The following MAP4 variants were observed in gnomAD, a reference collection of about 807,000 sequenced individuals.
MAP4 encodes microtubule-associated protein 4.
A neutral mutation model predicts 170.2 loss-of-function variants in MAP4; 76 were observed. The ratio of observed to expected loss-of-function variants is 0.45; its 90% CI spans 0.37 to 0.54. The LOEUF (loss-of-function observed/expected upper bound fraction) is 0.54. Ranked by LOEUF, MAP4 falls within the 20% of genes least tolerant of loss-of-function variation. MAP4 has a pLI of 0.00. For missense variants in MAP4, 2,506 were observed against 2,748.0 expected, an observed-to-expected ratio of 0.91 and a Z score of 1.97; for synonymous variants, 909 against 994.5, an observed-to-expected ratio of 0.91 and a Z score of 1.62.
intron 1 of MAP4, among the ~76,000 whole-genome samples, chr3:48,043,853 T>A (rs1259322676): frequency 1.3e-5 from 2 of 152,190 alleles, no homozygotes; most frequent in African/African-American, 2.4e-5. Flanking sequence ...TAATCTTTTT[T>A]TTTTTAAAAT....
intron 1 of MAP4, among the ~76,000 whole-genome samples, chr3:48,001,509 C>T (rs1289505060): frequency 1.3e-5 from 2 of 152,092 alleles, no homozygotes; most frequent in South Asian, 2.1e-4. Context: ...TACCATTATA[C>T]AAAAATGTAG....
At chr3:47,862,466 A>G (rs1376814446) in intron 17 of MAP4, among the ~76,000 whole-genome samples, 1 of 148,700 alleles carries the variant, frequency 6.7e-6, no homozygotes, top group African/African-American at 2.5e-5. Context: ...TTTTAAATAT[A>G]TGGATCAATT....
At position 47,955,433 on chromosome 3, in the gene MAP4, C is replaced by CGT. The variant is rs1559591351; in HGVS notation, c.292+22430_292+22431dup. 2.8e-5 allele frequency among the ~76,000 whole-genome samples: 3 copies of CGT among 108,020 alleles called. No homozygotes were observed. The East Asian group carries it at 8.4e-4, about 30-fold the overall frequency. The allele number at this position is 108,020 out of a possible 152,430, so 70.9% of individuals were successfully genotyped here. On this transcript the variant is annotated intron_variant, in intron 3 of 20. Coordinates refer to ENST00000683076, the MANE Select transcript of MAP4 (RefSeq NM_001385682.1). ...TTCCAAAAAAATAAATAAATAAGCA[C>CGT]GTACACACACACACACACACACACA...
intron 2 of MAP4, among the ~76,000 whole-genome samples, chr3:47,979,454 T>C (rs2100084201): frequency 1.3e-5 from 2 of 152,154 alleles, no homozygotes; most frequent in South Asian, 4.1e-4. Context: ...GATTACTGTA[T>C]TTGTACAGTA....
chr3:47,910,088 T>C lies in MAP4; in HGVS notation c.4333A>G (p.Thr1445Ala). The change falls in exon 9 of 21, where the codon ACT becomes GCT. Residue 1445 changes from threonine to alanine, a missense_variant. By Grantham distance (58) the Thr-to-Ala change is moderately conservative (BLOSUM62 0). Coordinates refer to ENST00000683076, the MANE Select transcript of MAP4 (RefSeq NM_001385682.1). ...TCCTTTACTACTTGAGGAGTAGGAG[T>C]GGGCAGTTTTTCACAGGCTGCTGAT... ...LESAACEKLPTPTPQVVKEGD... is the reference protein window; with the variant it reads ...LESAACEKLPAPTPQVVKEGD... The C allele has an allele frequency of 6.2e-7, 1 of 1,613,792 alleles. No homozygotes were observed. The highest frequency in any genetic ancestry group is 8.5e-7 in the Non-Finnish European group (1 of 1,179,824).
At chr3:47,874,116 T>C (rs2094440805) in intron 12 of MAP4, among the ~76,000 whole-genome samples, 1 of 152,198 alleles carries the variant, frequency 6.6e-6, no homozygotes, top group Non-Finnish European at 1.5e-5. Context: ...TAATTCTAAG[T>C]GTGCTATTTG....
intron 2 of MAP4, among the ~76,000 whole-genome samples, chr3:47,982,452 T>G (rs2100085959): frequency 6.6e-6 from 1 of 152,194 alleles, no homozygotes; most frequent in Non-Finnish European, 1.5e-5. Context: ...TTAAACTAGA[T>G]GATGGAAACC....
chr3:47,916,634 G>C lies in MAP4; in HGVS notation c.1193C>G (p.Pro398Arg), dbSNP rs1361662410. ...MDLAPSKDMG[P>R]PKENKIVPAK... is the part of the protein sequence containing the mutation. The stretch of plus-strand genomic sequence containing the variant: ...TGGGACTATCTTGTTTTCTTTGGGT[G>C]GTCCCATGTCCTTGGAAGGAGCCAA... The change falls in exon 7 of 21, where the codon CCA becomes CGA. Residue 398 changes from proline to arginine, a missense_variant. Pro to Arg is a moderately radical substitution (Grantham distance 103, BLOSUM62 -2). Coordinates refer to ENST00000683076, the MANE Select transcript of MAP4 (RefSeq NM_001385682.1). The C allele has an allele frequency of 6.2e-6, 10 of 1,614,018 alleles. No individual in the cohort carries two copies. Among genetic ancestry groups the C allele is most frequent in the Non-Finnish European group, 8.5e-6 (10 of 1,180,020 alleles).
At position 47,909,710 on chromosome 3, in the gene MAP4, C is replaced by G; in HGVS notation, c.4711G>C (p.Ala1571Pro). 2 of 1,614,022 alleles carry G rather than the reference C, an allele frequency of 1.2e-6. No individual in the cohort carries two copies. Among genetic ancestry groups the G allele is most frequent in the Non-Finnish European group, 1.7e-6 (2 of 1,179,884 alleles). ...KHSVEKVTELAKGHLLPGVPV... is the reference protein window; with the variant it reads ...KHSVEKVTELPKGHLLPGVPV... The stretch of plus-strand genomic sequence containing the variant: ...ACTCCAGGAAGGAGGTGACCTTTTG[C>G]TAGCTCTGTGACTTTCTCTACTGAA... Residue 1571 changes from alanine (A) to proline (P), a missense_variant, in exon 9 of 21, where the codon GCA becomes CCA. This residue lies in a region of MAP4 where 2,008 missense variants were observed against 2,206.0 expected (regional missense o/e 0.91). Transcript: ENST00000683076.
At chr3:47,863,940 G>GGTGTGTGT (rs2074428188) in intron 17 of MAP4, among the ~76,000 whole-genome samples, 1 of 150,572 alleles carries the variant, frequency 6.6e-6, no homozygotes, top group African/African-American at 2.4e-5. Flanking sequence ...GTGTGTGTGG[G>GGTGTGTGT]GAGTGGTGGG....
Position 47,965,037 on chromosome 3 carries a change from G to C in MAP4, c.292+12828C>G, listed in dbSNP as rs564085911. ...ATTCCCCGCCTCTCCCAGCCCCTGG[G>C]AACCACCATTCTACTTTGTTTCTGT... is the stretch of plus-strand genomic sequence containing the variant. On this transcript the variant is annotated intron_variant, in intron 3 of 20. Transcript: ENST00000683076. 1.6e-4 allele frequency among the ~76,000 whole-genome samples: 24 copies of C among 152,198 alleles called. 1 individual carries two copies. The highest frequency in any genetic ancestry group is 1.4e-3 in the Admixed American group (22 of 15,284).
intron 1 of MAP4, among the ~76,000 whole-genome samples, chr3:48,087,540 C>T (rs1271406537): frequency 6.6e-6 from 1 of 152,128 alleles, no homozygotes; most frequent in African/African-American, 2.4e-5. Context: ...ACCCTGCCCC[C>T]GCCCCCCATC....
At chr3:48,016,778 A>ATT (rs35747048), upstream of MAP4, among the ~76,000 whole-genome samples, 87,256 of 146,362 alleles carry the variant, frequency 0.6, 26,842 homozygotes, top group East Asian at 0.72. Flanking sequence ...TTCTAAAGGC[A>ATT]TTTTTTTTTT....
At chr3:48,049,464 G>T (rs2100126385) in intron 1 of MAP4, among the ~76,000 whole-genome samples, 1 of 150,160 alleles carries the variant, frequency 6.7e-6, no homozygotes, top group South Asian at 2.1e-4. Context: ...TACAAAAAAT[G>T]CAAAAATCAG....
intron 10 of MAP4, among the ~76,000 whole-genome samples, chr3:47,896,128 A>G (rs1250386284): frequency 6.6e-6 from 1 of 152,248 alleles, no homozygotes; most frequent in Non-Finnish European, 1.5e-5. Flanking sequence ...GTCTGAGTAC[A>G]ACAAAACACA....
chr3:47,914,437 C>T (rs554888527), intron 8 of MAP4, among the ~76,000 whole-genome samples: 3 of 151,884 alleles, frequency 2.0e-5, no homozygotes, highest in East Asian at 1.9e-4. Context: ...GTAATCCCAG[C>T]TACTCAGGAG....
At chr3:47,905,413 T>C (rs1451208669) in intron 9 of MAP4, among the ~76,000 whole-genome samples, 1 of 151,766 alleles carries the variant, frequency 6.6e-6, no homozygotes, top group Admixed American at 6.6e-5. Context: ...ATAGACCAAA[T>C]ACATGCAGAA....
intron 1 of MAP4, among the ~76,000 whole-genome samples, chr3:48,005,376 T>C (rs986541427): frequency 4.6e-5 from 7 of 151,646 alleles, no homozygotes; most frequent in African/African-American, 1.7e-4. Flanking sequence ...AAAAAAGAAC[T>C]GTTCTCTAAT....
chr3:48,036,054 C>T (rs1347714311), intron 1 of MAP4, among the ~76,000 whole-genome samples: 2 of 152,074 alleles, frequency 1.3e-5, no homozygotes, highest in African/African-American at 4.8e-5. Context: ...CATAGATAAC[C>T]CCATTTAAAA....
Sources: allele counts gnomAD v4.1 joint callset (sites outside exome capture counted in the v4.1 genomes callset), GRCh38; gene constraint gnomAD v4.1.1; regional missense constraint gnomAD v4.1.1; transcripts MANE v1.5; gene names NCBI Gene and HGNC (gene_info 2026-07-23, HGNC 2026-07-21).